AIG1: variants seen among roughly 807,000 people sequenced by gnomAD.
The protein encoded by AIG1 is androgen-induced gene 1 protein.
Under a neutral mutation model 31.4 loss-of-function variants are expected in AIG1, and 23 were observed. The ratio of observed to expected loss-of-function variants is 0.73; its 90% CI spans 0.53 to 1.04. AIG1 has a LOEUF of 1.04. Among genes scored for constraint, AIG1 ranks in the 50% least tolerant of loss-of-function variants. The pLI, the probability that AIG1 is intolerant of heterozygous loss-of-function variation, is 0.00. For missense variants in AIG1, 274 were observed against 295.0 expected, an observed-to-expected ratio of 0.93 and a Z score of 0.52; for synonymous variants, 100 against 110.5, an observed-to-expected ratio of 0.90 and a Z score of 0.60.
At chr6:143,094,689 C>T (rs185843741) in intron 1 of AIG1, among the ~76,000 whole-genome samples, 2 of 151,792 alleles carry the variant, frequency 1.3e-5, no homozygotes, top group Admixed American at 1.3e-4. Flanking sequence ...CGTATCCTAT[C>T]TATTGAAAAA....
chr6:143,211,237 C>T (rs1487316622), intron 3 of AIG1, among the ~76,000 whole-genome samples: 3 of 152,148 alleles, frequency 2.0e-5, no homozygotes, highest in African/African-American at 7.2e-5. Flanking sequence ...CTCTTAGCTG[C>T]TCTTCCACCA....
chr6:143,161,649 A>G (rs1786394437), intron 2 of AIG1, among the ~76,000 whole-genome samples: 1 of 151,858 alleles, frequency 6.6e-6, no homozygotes, highest in Non-Finnish European at 1.5e-5. Context: ...CAACTGATAT[A>G]ATTCACCATA....
At chr6:143,215,275 A>T (rs546608607) in intron 3 of AIG1, among the ~76,000 whole-genome samples, 1 of 152,318 alleles carries the variant, frequency 6.6e-6, no homozygotes, top group African/African-American at 2.4e-5. Context: ...AAAGGTATGG[A>T]TGAGCTGTGA....
At chr6:143,161,074 A>G (rs1786330358) in intron 2 of AIG1, among the ~76,000 whole-genome samples, 1 of 152,164 alleles carries the variant, frequency 6.6e-6, no homozygotes, top group Admixed American at 6.5e-5. Flanking sequence ...AAAATAACTG[A>G]TTCATAGCAT....
At chr6:143,169,237 A>T (rs940903062) in intron 3 of AIG1, among the ~76,000 whole-genome samples, 4 of 152,088 alleles carry the variant, frequency 2.6e-5, no homozygotes, top group Non-Finnish European at 5.9e-5. Context: ...TATGCATGAA[A>T]TTTAAATGTT....
At chr6:143,117,548 G>A (rs1005080663) in intron 1 of AIG1, among the ~76,000 whole-genome samples, 11 of 152,166 alleles carry the variant, frequency 7.2e-5, no homozygotes, top group Non-Finnish European at 1.2e-4. Context: ...GCAGATTGTC[G>A]GGGAGAGCTC....
intron 3 of AIG1, among the ~76,000 whole-genome samples, chr6:143,175,039 G>A (rs114822941): frequency 0.12 from 18,641 of 152,166 alleles, 1,875 homozygotes; most frequent in East Asian, 0.42. Context: ...GTTTGTCTGA[G>A]AAAGACTATA....
chr6:143,317,696 G>T (rs1043627948), intron 4 of AIG1, among the ~76,000 whole-genome samples: 1 of 151,434 alleles, frequency 6.6e-6, no homozygotes, highest in Non-Finnish European at 1.5e-5. Context: ...TATAGAGGAA[G>T]TCAAACTGTC....
At position 143,301,351 on chromosome 6, in the gene AIG1, A is replaced by G. The variant is rs1032770381; in HGVS notation, c.515+17126A>G. Among the ~76,000 whole-genome samples, 8 of 152,346 alleles carry G rather than the reference A, an allele frequency of 5.3e-5. No individual in the cohort carries two copies. In the East Asian group the frequency reaches 1.5e-3, roughly 29 times the overall value. ...TAGCAAGGAGCTCACCACAAAGGCC[A>G]TCAGGTAGGTTTCCATGGTAGCAGT... is the stretch of plus-strand genomic sequence containing the variant. On this transcript the variant is annotated intron_variant, in intron 4 of 5. Transcript: ENST00000357847.
Position 143,333,502 on chromosome 6 carries a change from G to A in AIG1, c.679+57G>A. The A allele has an allele frequency of 6.4e-7, 1 of 1,555,882 alleles. No individual in the cohort carries two copies. The highest frequency in any genetic ancestry group is 8.7e-7 in the Non-Finnish European group (1 of 1,148,234). The stretch of plus-strand genomic sequence containing the variant: ...AGAATTACTGCCGGCAACAGTCTAT[G>A]CAGAGACTGAGGGAAAATTCCACTG... On this transcript the variant is annotated intron_variant, in intron 5 of 5. Transcript: ENST00000357847. This position sits in a 1 kb window ranked among gnomAD's most constrained non-coding sequence, Gnocchi z 4.6.
chr6:143,197,178 T>C (rs1391250732), intron 3 of AIG1, among the ~76,000 whole-genome samples: 1 of 137,916 alleles, frequency 7.3e-6, no homozygotes, highest in Admixed American at 7.2e-5. Context: ...ACAAAAGTGC[T>C]TTTTTTTTTT....
chr6:143,168,848 T>C (rs1787223111), intron 3 of AIG1, among the ~76,000 whole-genome samples: 1 of 152,148 alleles, frequency 6.6e-6, no homozygotes, highest in African/African-American at 2.4e-5. Context: ...ATGTATTTTA[T>C]TGAAAATTCA....
At chr6:143,172,395 C>G (rs1787723128) in intron 3 of AIG1, among the ~76,000 whole-genome samples, 1 of 152,088 alleles carries the variant, frequency 6.6e-6, no homozygotes, top group African/African-American at 2.4e-5. Flanking sequence ...TTAAACCATC[C>G]CTTCATCCCT....
At chr6:143,264,188 C>T (rs968907380) in intron 3 of AIG1, among the ~76,000 whole-genome samples, 3 of 152,136 alleles carry the variant, frequency 2.0e-5, no homozygotes, top group Non-Finnish European at 4.4e-5. Context: ...TATTTATTAG[C>T]CTTTATTCAT....
intron 1 of AIG1, among the ~76,000 whole-genome samples, chr6:143,108,626 C>T (rs1468239274): frequency 3.3e-5 from 5 of 152,076 alleles, no homozygotes; most frequent in South Asian, 2.1e-4. Flanking sequence ...CACTTGCCTT[C>T]GCCAGTTTTC....
intron 2 of AIG1, among the ~76,000 whole-genome samples, chr6:143,148,381 C>T (rs1305269063): frequency 3.3e-5 from 5 of 149,422 alleles, no homozygotes; most frequent in East Asian, 3.9e-4. Flanking sequence ...TGGTGGCACA[C>T]GCCTGTAGTC....
At chr6:143,123,928 A>G (rs1782446720) in intron 1 of AIG1, among the ~76,000 whole-genome samples, 1 of 152,206 alleles carries the variant, frequency 6.6e-6, no homozygotes, top group South Asian at 2.1e-4. Flanking sequence ...TTCCTGATCT[A>G]CTTTCTTTGG....
At chr6:143,312,553 T>C (rs1775381392) in intron 4 of AIG1, among the ~76,000 whole-genome samples, 1 of 151,878 alleles carries the variant, frequency 6.6e-6, no homozygotes, top group African/African-American at 2.4e-5. Flanking sequence ...TATAGAAAAA[T>C]CAAATCAAAA....
At chr6:143,076,160 C>T (rs1481459086) in intron 1 of AIG1, among the ~76,000 whole-genome samples, 1 of 152,092 alleles carries the variant, frequency 6.6e-6, no homozygotes, top group Non-Finnish European at 1.5e-5. Context: ...AAAGGAGAAT[C>T]GAAGTCTCTA....
Sources: gnomAD v4.1 joint callset for allele counts (sites outside exome capture counted in the v4.1 genomes callset) on GRCh38, gnomAD v4.1.1 for gene constraint, Gnocchi (gnomAD v3.1) non-coding constraint, MANE v1.5 for transcripts, NCBI Gene and HGNC (gene_info 2026-07-23, HGNC 2026-07-21) for gene names.